Variants in SHANK1 observed in about 807,000 individuals in gnomAD.
SHANK1 encodes SH3 and multiple ankyrin repeat domains protein 1.
In SHANK1, 35 loss-of-function variants were observed where a neutral mutation model predicts 165.6. The ratio of observed to expected loss-of-function variants is 0.21; its 90% CI spans 0.16 to 0.28. The LOEUF (loss-of-function observed/expected upper bound fraction) is 0.28, where lower values mean the gene tolerates loss of function less well. Ranked by LOEUF, SHANK1 falls within the 10% of genes least tolerant of loss-of-function variation. SHANK1 has a pLI of 1.00. For missense variants in SHANK1, 2,681 were observed against 3,036.4 expected (o/e 0.88, Z 2.75); for synonymous variants, 1,428 against 1,384.8 (o/e 1.03, Z -0.69).
chr19:50,704,204 A>G lies in SHANK1; in HGVS notation c.1156-18T>C. Reference sequence around the variant, plus strand: ...ACTGCCACCTGGAGGGAGGGGGTAGAGGCAGGTCGGCCAGGGGGGCCCAGG... The same window carrying G: ...ACTGCCACCTGGAGGGAGGGGGTAGGGGCAGGTCGGCCAGGGGGGCCCAGG... On this transcript the variant is annotated intron_variant, in intron 9 of 23. Transcript: ENST00000293441. The G allele has an allele frequency of 6.2e-7, 1 of 1,613,392 alleles. No homozygotes were observed. Among genetic ancestry groups the G allele is most frequent in the Non-Finnish European group, 8.5e-7 (1 of 1,179,708 alleles).
Position 50,718,333 on chromosome 19 carries a change from G to A in SHANK1, c.-44+1073C>T, listed in dbSNP as rs1433321412. 2.0e-5 allele frequency among the ~76,000 whole-genome samples: 3 copies of A among 151,358 alleles called. No homozygotes were observed. Among genetic ancestry groups the A allele is most frequent in the African/African-American group, 7.3e-5 (3 of 41,158 alleles). On this transcript the variant is annotated intron_variant, in intron 1 of 23. Transcript: ENST00000293441. The surrounding 1 kb of genome is among the most constrained non-coding windows in gnomAD (Gnocchi z 5.1). The stretch of plus-strand genomic sequence containing the variant: ...CCGGCTGCCTCCTCCCTGCCCCGCC[G>A]CACAGCCCACCTCGCGATCTGGGGC...
intron 19 of SHANK1, 61 bp downstream of exon 19, chr19:50,687,521 G>A: frequency 7.6e-7 from 1 of 1,319,644 alleles, no homozygotes. Context: ...CTCAAGGGAT[G>A]GTCCAGCCCT....
In SHANK1 at chr19:50,702,768, G is replaced by C; in HGVS notation, c.1554-108C>G. 1.4e-6 allele frequency: 1 copy of C among 696,094 alleles called. No homozygotes were observed. Among genetic ancestry groups the C allele is most frequent in the Non-Finnish European group, 2.3e-6 (1 of 426,722 alleles). The allele number at this position is 696,094 out of a possible 1,614,324, so 43.1% of individuals were successfully genotyped here. On this transcript the variant is annotated intron_variant, in intron 11 of 23. Transcript: ENST00000293441. The surrounding 1 kb of genome is among the most constrained non-coding windows in gnomAD (Gnocchi z 5.3). ...AGAGGACGGTGCATCAGGGGGGAGG[G>C]GGGGTTTCCCAGCACTGGCGTCCTC...
intron 21 of SHANK1, among the ~76,000 whole-genome samples, chr19:50,678,386 G>A (rs983276867): frequency 6.6e-6 from 1 of 152,104 alleles, no homozygotes; most frequent in East Asian, 2.0e-4. Flanking sequence ...AGGGGAGGAA[G>A]GCAAGGGAAA....
chr19:50,662,089 T>G lies in SHANK1; in HGVS notation c.6362A>C (p.Asp2121Ala). The change falls in exon 24 of 24, where the codon GAC becomes GCC. Residue 2121 changes from aspartate to alanine, a missense_variant. Asp to Ala is a moderately radical substitution (Grantham distance 126). Coordinates refer to ENST00000293441, the MANE Select transcript of SHANK1 (RefSeq NM_016148.5). The surrounding 1 kb of genome is among the most constrained non-coding windows in gnomAD (Gnocchi z 7.7). ...GLAEHRAQFL[D>A]HEIDGSHLPA... is the part of the protein sequence containing the mutation. ...CAGGTGGGAGCCATCGATCTCGTGG[T>G]CCAGGAACTGGGCTCGGTGCTCCGC... The G allele has an allele frequency of 6.2e-7, 1 of 1,614,134 alleles. No homozygotes were observed. The highest frequency in any genetic ancestry group is 8.5e-7 in the Non-Finnish European group (1 of 1,180,018).
At position 50,686,796 on chromosome 19, in the gene SHANK1, C is replaced by T. The variant is rs773117534; in HGVS notation, c.2406G>A (p.Pro802=). The T allele has an allele frequency of 1.9e-6, 3 of 1,613,762 alleles. No homozygotes were observed. The highest frequency in any genetic ancestry group is 3.3e-5 in the Admixed American group (2 of 60,004). ...ELEEMEYEQQ[P]APVPSMEKKR... is the part of the protein sequence containing the mutation. ...TTTTCTCCATGCTGGGCACCGGCGC[C>T]GGCTGCTGCTCGTACTCTGTGGGCA... Residue 802 remains proline (P), a synonymous_variant, in exon 20 of 24, where the codon CCG becomes CCA. Transcript: ENST00000293441. The surrounding 1 kb of genome is among the most constrained non-coding windows in gnomAD (Gnocchi z 5.7).
Position 50,667,581 on chromosome 19 carries a change from A to G in SHANK1, c.4379T>C (p.Leu1460Pro). The change falls in exon 23 of 24, where the codon CTG becomes CCG. Residue 1460 changes from leucine (L) to proline (P), a missense_variant. Physicochemically the swap from Leu to Pro is moderately conservative, Grantham distance 98. This residue lies in a region of SHANK1 where 1,713 missense variants were observed against 1,630.2 expected (regional missense o/e 1.05). Transcript: ENST00000293441. This position sits in a 1 kb window ranked among gnomAD's most constrained non-coding sequence, Gnocchi z 5.7. Reference sequence around the variant, plus strand: ...GGCCGGGGGCTCCGTCCCCAGCTGCAGCAGGAGGGGCCCCACCCCGGGAGC... The same window carrying G: ...GGCCGGGGGCTCCGTCCCCAGCTGCGGCAGGAGGGGCCCCACCCCGGGAGC... Reference protein sequence around the residue: ...PTAPGVGPLLLQLGTEPPAPH... With the variant: ...PTAPGVGPLLPQLGTEPPAPH... The G allele has an allele frequency of 6.9e-7, 1 of 1,443,218 alleles. No homozygotes were observed. 89.4% of individuals were successfully genotyped at this position (1,443,218 alleles called of 1,614,324 possible).
intron 21 of SHANK1, among the ~76,000 whole-genome samples, chr19:50,673,898 A>T: frequency 6.6e-6 from 1 of 150,486 alleles, no homozygotes; most frequent in East Asian, 2.0e-4. Context: ...GGCCCAAGCG[A>T]TCCCAACCCC....
chr19:50,713,774 G>C lies in SHANK1; in HGVS notation c.792+24C>G. On this transcript the variant is annotated intron_variant, in intron 6 of 23. Transcript: ENST00000293441. The surrounding 1 kb of genome is among the most constrained non-coding windows in gnomAD (Gnocchi z 6.2). ...AAAGGAGAGAGGGCCCCATGGCGGG[G>C]ATGGGGGGTCCCCGAAGCCTCACCG... is the stretch of plus-strand genomic sequence containing the variant. The C allele has an allele frequency of 2.5e-6, 4 of 1,610,656 alleles. No individual in the cohort carries two copies. Among genetic ancestry groups the C allele is most frequent in the Non-Finnish European group, 3.4e-6 (4 of 1,178,654 alleles).
chr19:50,663,937 TCTC>T (rs1314967026), intron 23 of SHANK1, among the ~76,000 whole-genome samples: 1 of 66,924 alleles, frequency 1.5e-5, no homozygotes, highest in East Asian at 2.5e-4. Context: ...TCTCTCTCTC[TCTC>T]TTTTTTTTTT....
Position 50,667,050 on chromosome 19 carries a change from C to T in SHANK1, c.4910G>A (p.Gly1637Glu). 1.3e-6 allele frequency: 2 copies of T among 1,549,810 alleles called. No homozygotes were observed. Among genetic ancestry groups the T allele is most frequent in the South Asian group, 2.4e-5 (2 of 83,810 alleles). Residue 1637 changes from glycine to glutamate, a missense_variant, in exon 23 of 24, where the codon GGG becomes GAG. Coordinates refer to ENST00000293441, the MANE Select transcript of SHANK1 (RefSeq NM_016148.5). This position sits in a 1 kb window ranked among gnomAD's most constrained non-coding sequence, Gnocchi z 5.7. ...YDSEVATLTQ[G>E]ASAAPGDPHP... ...GGGGTCCCCAGGAGCGGCGGAGGCCCCCTGGGTCAGGGTGGCCACCTCGCT... is the reference window on the plus strand; with the variant it reads ...GGGGTCCCCAGGAGCGGCGGAGGCCTCCTGGGTCAGGGTGGCCACCTCGCT...
intron 15 of SHANK1, among the ~76,000 whole-genome samples, chr19:50,691,356 C>T (rs1289005539): frequency 6.6e-6 from 1 of 152,056 alleles, no homozygotes; most frequent in African/African-American, 2.4e-5. Context: ...GTCTCCAAGG[C>T]CCCCCAGCAG....
In SHANK1 at chr19:50,713,260, T is replaced by C. The variant is rs1158595542; in HGVS notation, c.792+538A>G. Among the ~76,000 whole-genome samples the C allele has an allele frequency of 6.6e-6, 1 of 152,048 alleles. No individual in the cohort carries two copies. Among genetic ancestry groups the C allele is most frequent in the Non-Finnish European group, 1.5e-5 (1 of 68,014 alleles). On this transcript the variant is annotated intron_variant, in intron 6 of 23. Coordinates refer to ENST00000293441, the MANE Select transcript of SHANK1 (RefSeq NM_016148.5). This position sits in a 1 kb window ranked among gnomAD's most constrained non-coding sequence, Gnocchi z 6.2. The stretch of plus-strand genomic sequence containing the variant: ...TAAAATTAGACTGTGCAGCTGCCGC[T>C]GTGTATGTATTTTGTGGGTGTATGG...
At position 50,668,317 on chromosome 19, in the gene SHANK1, G is replaced by A. The variant is rs1985642287; in HGVS notation, c.3643C>T (p.Pro1215Ser). The change falls in exon 23 of 24, where the codon CCC becomes TCC. Residue 1215 changes from proline to serine, a missense_variant. By Grantham distance (74) the Pro-to-Ser change is moderately conservative. Transcript: ENST00000293441. The stretch of plus-strand genomic sequence containing the variant: ...GGGCCGCTGGGCGAGGCGGGGGTGG[G>A]CACGGGCGAGGGGGACGGGGGCACG... ...SPVPPSPSPV[P>S]TPASPSGPAT... 2 of 1,276,474 alleles carry A rather than the reference G, an allele frequency of 1.6e-6. No individual in the cohort carries two copies. Among genetic ancestry groups the A allele is most frequent in the Non-Finnish European group, 9.9e-7 (1 of 1,013,476 alleles). 79.1% of individuals were successfully genotyped at this position (1,276,474 alleles called of 1,614,324 possible). A position where few individuals can be genotyped will look rare whatever the true frequency, so the allele number is the denominator to read the frequency against.
At chr19:50,712,959 G>T (rs1361394308) in intron 6 of SHANK1, among the ~76,000 whole-genome samples, 1 of 152,208 alleles carries the variant, frequency 6.6e-6, no homozygotes, top group Non-Finnish European at 1.5e-5. Flanking sequence ...AGGGGCGTGT[G>T]TGAGCAGGAT....
In SHANK1 at chr19:50,715,791, GA is replaced by G. The variant is rs2089062561; in HGVS notation, c.460-62del. 1.9e-5 allele frequency: 29 copies of G among 1,506,306 alleles called. No individual in the cohort carries two copies. The South Asian group carries it at 3.0e-4, about 16-fold the overall frequency. 93.3% of individuals were successfully genotyped at this position (1,506,306 alleles called of 1,614,324 possible). On this transcript the variant is annotated intron_variant, in intron 3 of 23. Coordinates refer to ENST00000293441, the MANE Select transcript of SHANK1 (RefSeq NM_016148.5). ...AGACTTGGAATCAGGGGCCTGGGGA[GA>G]AGGCTTGGGGTAGGGGAAGGTCTGA...
chr19:50,717,075 G>T lies in SHANK1; in HGVS notation c.-43-113C>A. 2.3e-6 allele frequency: 2 copies of T among 888,566 alleles called. No homozygotes were observed. The highest frequency in any genetic ancestry group is 3.1e-6 in the Non-Finnish European group (2 of 647,850). 55.0% of individuals were successfully genotyped at this position (888,566 alleles called of 1,614,324 possible). ...CAGCCTACCCCCACTGCCCAAGATA[G>T]GCAGGAAGGAGGCTGGACACACCCT... On this transcript the variant is annotated intron_variant, in intron 1 of 23. Transcript: ENST00000293441. This position sits in a 1 kb window ranked among gnomAD's most constrained non-coding sequence, Gnocchi z 5.5.
At chr19:50,678,378 G>A (rs1986047695) in intron 21 of SHANK1, among the ~76,000 whole-genome samples, 1 of 152,020 alleles carries the variant, frequency 6.6e-6, no homozygotes, top group South Asian at 2.1e-4. Context: ...CTGGGAGGAG[G>A]GGAGGAAGGC....
chr19:50,662,191 T>C lies in SHANK1; in HGVS notation c.6260A>G (p.Asp2087Gly), dbSNP rs1200538098. The change falls in exon 24 of 24, where the codon GAC becomes GGC. Residue 2087 changes from aspartate to glycine, a missense_variant. Transcript: ENST00000293441. This position sits in a 1 kb window ranked among gnomAD's most constrained non-coding sequence, Gnocchi z 7.7. ...CAGAGGTTTAGCGCCAAACGGCTTG[T>C]CCGGGGGCAGCGAGAGCAGGCGGGT... ...SPTRLLSLPP[D>G]KPFGAKPLGF... The C allele has an allele frequency of 1.9e-6, 3 of 1,609,798 alleles. No homozygotes were observed. In the Middle Eastern group the frequency reaches 5.0e-4, roughly 266 times the overall value.
Sources: allele counts gnomAD v4.1 joint callset (sites outside exome capture counted in the v4.1 genomes callset), GRCh38; gene constraint gnomAD v4.1.1; regional missense constraint gnomAD v4.1.1; non-coding constraint Gnocchi (gnomAD v3.1); transcripts MANE v1.5; gene names NCBI Gene and HGNC (gene_info 2026-07-23, HGNC 2026-07-21).